Variants in SNTG1 observed in about 807,000 individuals in gnomAD.
SNTG1 encodes syntrophin gamma 1, also known as gamma-1-syntrophin.
In SNTG1, 39 loss-of-function variants were observed where a neutral mutation model predicts 74.7. The observed-to-expected ratio is 0.52, with a 90% CI of 0.40 to 0.68. The LOEUF is 0.68. SNTG1 is among the 30% of genes least tolerant of loss of function. The pLI is 0.00. For synonymous variants in SNTG1, 254 were observed against 217.1 expected (o/e 1.17, Z -1.49); for missense variants, 685 against 609.5 (o/e 1.12, Z -1.30).
intron 4 of SNTG1, among the ~76,000 whole-genome samples, chr8:50,436,346 A>G (rs921548086): frequency 1.3e-5 from 2 of 152,110 alleles, no homozygotes; most frequent in African/African-American, 4.8e-5. Context: ...GATTTAATTC[A>G]CCTATTCCTG....
intron 10 of SNTG1, among the ~76,000 whole-genome samples, chr8:50,531,717 C>T (rs2094269745): frequency 6.6e-6 from 1 of 152,132 alleles, no homozygotes; most frequent in South Asian, 2.1e-4. Context: ...GAGGTTGTTC[C>T]TGAGAGTGCC....
At chr8:50,270,495 A>C (rs2087723193) in intron 2 of SNTG1, among the ~76,000 whole-genome samples, 1 of 152,096 alleles carries the variant, frequency 6.6e-6, no homozygotes, top group South Asian at 2.1e-4. Context: ...TTATGATTGG[A>C]GATCAGAGAG....
intron 1 of SNTG1, chr8:50,163,431 TAAAC>T (rs1486343538): frequency 1.3e-5 from 2 of 151,640 alleles, no homozygotes; most frequent in East Asian, 1.9e-4. Context: ...TTTTTTTTAA[TAAAC>T]AAACTAAGTA....
intron 12 of SNTG1, among the ~76,000 whole-genome samples, chr8:50,557,540 G>A (rs1021981284): frequency 6.6e-6 from 1 of 152,110 alleles, no homozygotes; most frequent in African/African-American, 2.4e-5. Context: ...GTCTCTTCCA[G>A]CCTCTGGTGG....
At chr8:50,338,834 G>T (rs1254394347) in intron 2 of SNTG1, among the ~76,000 whole-genome samples, 1 of 152,104 alleles carries the variant, frequency 6.6e-6, no homozygotes, top group Non-Finnish European at 1.5e-5. Flanking sequence ...ACCAGAAGAA[G>T]AAGAAAGAAA....
intron 18 of SNTG1, among the ~76,000 whole-genome samples, chr8:50,791,025 AT>A (rs1236141332): frequency 2.0e-5 from 3 of 151,850 alleles, no homozygotes; most frequent in African/African-American, 7.2e-5. Context: ...TTGTTGTTTT[AT>A]TTTTTAATAA....
At chr8:50,302,616 T>C (rs1563867941) in intron 2 of SNTG1, among the ~76,000 whole-genome samples, 1 of 152,176 alleles carries the variant, frequency 6.6e-6, no homozygotes, top group African/African-American at 2.4e-5. Context: ...AGGAATGAAT[T>C]ACTGTCATTT....
At chr8:50,668,662 C>T (rs188794798) in intron 15 of SNTG1, among the ~76,000 whole-genome samples, 16 of 151,826 alleles carry the variant, frequency 1.1e-4, no homozygotes, top group Admixed American at 5.9e-4. Flanking sequence ...CCCTTAAACC[C>T]TCAACAGGCC....
chr8:50,348,971 A>G (rs1484388331), intron 2 of SNTG1, among the ~76,000 whole-genome samples: 2 of 152,312 alleles, frequency 1.3e-5, no homozygotes, highest in East Asian at 3.9e-4. Flanking sequence ...ATTCTAATTT[A>G]AATCTCATAA....
intron 2 of SNTG1, among the ~76,000 whole-genome samples, chr8:50,232,999 CA>C (rs2085706485): frequency 6.6e-6 from 1 of 151,484 alleles, no homozygotes; most frequent in Non-Finnish European, 1.5e-5. Flanking sequence ...CAAATTGATA[CA>C]TAAGTTTAAT....
intron 17 of SNTG1, among the ~76,000 whole-genome samples, chr8:50,751,584 A>G (rs1235628707): frequency 6.6e-6 from 1 of 151,996 alleles, no homozygotes; most frequent in East Asian, 1.9e-4. Context: ...AGTTTTTGTC[A>G]TAAGGGTTTA....
chr8:50,363,301 A>G (rs2092013226), intron 2 of SNTG1, among the ~76,000 whole-genome samples: 1 of 152,164 alleles, frequency 6.6e-6, no homozygotes. Context: ...TCCCCTCTCC[A>G]TAACTCTTTT....
chr8:49,969,809 T>C (rs1479343179), intron 1 of SNTG1, among the ~76,000 whole-genome samples: 1 of 152,064 alleles, frequency 6.6e-6, no homozygotes, highest in East Asian at 1.9e-4. Context: ...ATGGTGTATG[T>C]TCCAAGTTAC....
At chr8:50,689,459 C>T (rs9771952) in intron 15 of SNTG1, among the ~76,000 whole-genome samples, 7 of 151,972 alleles carry the variant, frequency 4.6e-5, no homozygotes, top group East Asian at 1.9e-4. Context: ...TAGCATGAAG[C>T]GTTGTTGAAT....
chr8:50,726,230 T>A (rs958795063), intron 17 of SNTG1, among the ~76,000 whole-genome samples: 2 of 152,186 alleles, frequency 1.3e-5, no homozygotes. Flanking sequence ...CTCATCAATA[T>A]CACTAATTTC....
At chr8:50,749,371 A>G (rs1000674658) in intron 17 of SNTG1, among the ~76,000 whole-genome samples, 2 of 152,098 alleles carry the variant, frequency 1.3e-5, no homozygotes, top group African/African-American at 2.4e-5. Flanking sequence ...TCTCTACACC[A>G]TAAAAGTACA....
intron 18 of SNTG1, among the ~76,000 whole-genome samples, chr8:50,770,521 G>A (rs2131781468): frequency 6.6e-6 from 1 of 152,124 alleles, no homozygotes; most frequent in Non-Finnish European, 1.5e-5. Flanking sequence ...TGAAGGGTGT[G>A]GGCTGGGCTT....
intron 2 of SNTG1, among the ~76,000 whole-genome samples, chr8:50,239,663 G>C (rs2086080584): frequency 6.6e-6 from 1 of 152,142 alleles, no homozygotes; most frequent in Non-Finnish European, 1.5e-5. Flanking sequence ...GACTTCACCA[G>C]GGATTGTTGC....
At chr8:50,359,042 T>A (rs1587301359) in intron 2 of SNTG1, among the ~76,000 whole-genome samples, 1 of 152,310 alleles carries the variant, frequency 6.6e-6, no homozygotes, top group Non-Finnish European at 1.5e-5. Flanking sequence ...TGTGTGGCAA[T>A]GACAGGCGAC....
Sources: allele counts gnomAD v4.1 joint callset (sites outside exome capture counted in the v4.1 genomes callset), GRCh38; gene constraint gnomAD v4.1.1; transcripts MANE v1.5; gene names NCBI Gene and HGNC (gene_info 2026-07-23, HGNC 2026-07-21).